POM121: variants seen among roughly 807,000 people sequenced by gnomAD.
POM121 encodes the protein POM121 transmembrane nucleoporin.
A neutral mutation model predicts 81.3 loss-of-function variants in POM121; 32 were observed. The observed-to-expected ratio is 0.39, with a 90% CI of 0.30 to 0.53. POM121 has a LOEUF of 0.53. Among genes scored for constraint, POM121 ranks in the 20% least tolerant of loss-of-function variants. The pLI is 0.66. For missense variants in POM121, 1,138 were observed against 1,614.6 expected, an observed-to-expected ratio of 0.70 and a Z score of 5.06; for synonymous variants, 514 against 694.2, an observed-to-expected ratio of 0.74 and a Z score of 4.08.
chr7:72,894,637 G>GAC (rs1791704253), intron 3 of POM121, among the ~76,000 whole-genome samples: 1 of 110,360 alleles, frequency 9.1e-6, no homozygotes, highest in Non-Finnish European at 1.9e-5. Context: ...GAGAGAGAGA[G>GAC]AGAGAGAGAG....
At chr7:72,924,751 C>A, upstream of POM121, 1 of 222,176 alleles carries the variant, frequency 4.5e-6, no homozygotes, top group Non-Finnish European at 8.7e-6. Flanking sequence ...GGGAGGGACT[C>A]ACAACCGCTA....
At chr7:72,939,707 C>G in intron 7 of POM121, 140 bp from the exon 8 acceptor site, 1 of 1,601,454 alleles carries the variant, frequency 6.2e-7, no homozygotes, top group Non-Finnish European at 8.5e-7. Context: ...CAAACACCAT[C>G]CAAGCAACCA....
chr7:72,912,267 G>A (rs142007653), intron 3 of POM121, among the ~76,000 whole-genome samples: 2,120 of 152,294 alleles, frequency 0.014, 112 homozygotes, highest in East Asian at 0.12. Context: ...TCCTATGTGA[G>A]GGATCAAAAG....
intron 3 of POM121, among the ~76,000 whole-genome samples, chr7:72,908,035 A>G (rs1218918325): frequency 6.6e-6 from 1 of 152,078 alleles, no homozygotes; most frequent in Non-Finnish European, 1.5e-5. Flanking sequence ...AAGGTCACCA[A>G]TTTTTTTCTC....
chr7:72,929,429 C>T (rs1175693534), intron 4 of POM121, among the ~76,000 whole-genome samples: 2 of 152,062 alleles, frequency 1.3e-5, no homozygotes, highest in Non-Finnish European at 2.9e-5. Context: ...AGAAAAGATG[C>T]GTAGGAGATT....
rs143835904 is a variant in POM121, at chr7:72,912,041, G to A, written c.-215-1724G>A. 4.5e-3 allele frequency among the ~76,000 whole-genome samples: 679 copies of A among 152,268 alleles called. 3 individuals carry two copies. The highest frequency in any genetic ancestry group is 0.014 in the Middle Eastern group (4 of 294). On this transcript the variant is annotated intron_variant, in intron 3 of 15. Transcript: ENST00000395270. The stretch of plus-strand genomic sequence containing the variant: ...TGAGTAGCTGGGACTACAGGTTCAC[G>A]CTACCATGCCCAGCTAGTTGTTGTT...
chr7:72,949,827 C>G, downstream of POM121: 1 of 1,370,048 alleles, frequency 7.3e-7, no homozygotes, highest in Non-Finnish European at 1.0e-6. Flanking sequence ...TGTCCTCCTC[C>G]TCCTCCTGTG....
At chr7:72,948,890 A>G (rs1554504077), downstream of POM121, 3 of 1,611,132 alleles carry the variant, frequency 1.9e-6, no homozygotes, top group Non-Finnish European at 2.5e-6. Flanking sequence ...CACGCCCTGT[A>G]CCTGAAGGCG....
At chr7:72,894,681 G>GAT (rs1791750198) in intron 3 of POM121, among the ~76,000 whole-genome samples, 2 of 136,754 alleles carry the variant, frequency 1.5e-5, no homozygotes, top group African/African-American at 5.0e-5. Flanking sequence ...GAGAGAGAGA[G>GAT]ATCTCCGTCC....
intron 1 of POM121, among the ~76,000 whole-genome samples, chr7:72,882,357 GAC>G (rs2129574307): frequency 6.6e-6 from 1 of 152,068 alleles, no homozygotes; most frequent in East Asian, 1.9e-4. Context: ...TTTGGGAGGC[GAC>G]ACACACCGAA....
At chr7:72,941,381 T>C (rs1409004605) in intron 10 of POM121, among the ~76,000 whole-genome samples, 1 of 150,812 alleles carries the variant, frequency 6.6e-6, no homozygotes, top group Non-Finnish European at 1.5e-5. Context: ...CGAGGGCTGC[T>C]GGTGTTCCCG....
chr7:72,946,020 A>T (rs2129581058), intron 12 of POM121, 117 bp from the exon 13 acceptor site: 6 of 1,465,882 alleles, frequency 4.1e-6, no homozygotes, highest in Non-Finnish European at 5.4e-6. Flanking sequence ...CAGCGGGGAA[A>T]GCCCTATTGA....
chr7:72,886,536 C>T lies in POM121; in HGVS notation c.-520-4091C>T, dbSNP rs548834493. Among the ~76,000 whole-genome samples the T allele has an allele frequency of 7.2e-4, 109 of 152,282 alleles. 1 individual carries two copies. The highest frequency in any genetic ancestry group is 2.6e-3 in the African/African-American group (108 of 41,550). ...ATACACAGTTACCATTTCTGGTACT[C>T]CTCATTCCTTTGTGTAAATCTAAAT... On this transcript the variant is annotated intron_variant, in intron 1 of 15. Coordinates refer to the POM121 transcript ENST00000395270.
upstream of POM121, among the ~76,000 whole-genome samples, chr7:72,924,257 C>G (rs1421681882): frequency 6.6e-6 from 1 of 152,150 alleles, no homozygotes; most frequent in African/African-American, 2.4e-5. Context: ...GAATTGCAAT[C>G]TTCTACTTAC....
chr7:72,904,773 T>C (rs1347480500), intron 3 of POM121, among the ~76,000 whole-genome samples: 3 of 152,238 alleles, frequency 2.0e-5, no homozygotes, highest in Admixed American at 6.5e-5. Flanking sequence ...GGAGGTTTAA[T>C]TGATTCACAG....
chr7:72,905,589 A>C (rs1481688971), intron 3 of POM121, among the ~76,000 whole-genome samples: 3 of 152,144 alleles, frequency 2.0e-5, no homozygotes, highest in African/African-American at 7.2e-5. Flanking sequence ...AATCCCAGCT[A>C]CTCAGGAAGC....
Position 72,939,368 on chromosome 7 carries a change from C to G in POM121, c.1400C>G (p.Ser467Ter). 1 of 1,613,902 alleles carries G rather than the reference C, an allele frequency of 6.2e-7. No individual in the cohort carries two copies. The highest frequency in any genetic ancestry group is 1.1e-5 in the South Asian group (1 of 91,064). The change falls in exon 7 of 13, where the codon TCA (serine) becomes TGA (stop). Residue 467 changes from serine (S) to a stop codon, truncating the protein, a stop_gained. Transcript: ENST00000434423. LOFTEE classifies it high-confidence loss of function. ...EEELCHHSSS[S>*]TPLAADRESQ... is the part of the protein sequence containing the mutation. ...GAGCTGTGTCATCATTCCAGTTCTT[C>G]AACTCCATTGGCAGCAGACAGGGAG...
intron 4 of POM121, among the ~76,000 whole-genome samples, chr7:72,914,335 A>G (rs746141498): frequency 7.9e-5 from 12 of 152,144 alleles, no homozygotes; most frequent in Non-Finnish European, 1.3e-4. Context: ...GAGGCCCCAC[A>G]TGTCGTGGAC....
At chr7:72,907,469 G>A (rs1169003249) in intron 3 of POM121, among the ~76,000 whole-genome samples, 1 of 150,578 alleles carries the variant, frequency 6.6e-6, no homozygotes, top group Non-Finnish European at 1.5e-5. Flanking sequence ...AATTTAATTT[G>A]TATACTTTTT....
Sources: gnomAD v4.1 joint callset for allele counts (sites outside exome capture counted in the v4.1 genomes callset) on GRCh38, gnomAD v4.1.1 for gene constraint, MANE v1.5 for transcripts, NCBI Gene and HGNC (gene_info 2026-07-23, HGNC 2026-07-21) for gene names.